The following PRDM16 variants were observed in gnomAD, a reference collection of about 807,000 sequenced individuals.
PRDM16 encodes PR/SET domain 16, also known as histone-lysine N-methyltransferase PRDM16.
PRDM16 carries 23 observed loss-of-function variants against 110.6 expected under a neutral mutation model. That is an observed-to-expected ratio of 0.21 (90% CI 0.15 to 0.29). PRDM16 has a LOEUF of 0.29. Ranked by LOEUF, PRDM16 falls within the 10% of genes least tolerant of loss-of-function variation. The probability of loss-of-function intolerance (pLI) is 1.00; values close to 1 mark genes in which losing one functional copy is unlikely to be tolerated. For missense variants in PRDM16, 1,615 were observed against 1,794.3 expected, an observed-to-expected ratio of 0.90 and a Z score of 1.81; for synonymous variants, 799 against 781.8, an observed-to-expected ratio of 1.02 and a Z score of -0.37.
intron 8 of PRDM16, among the ~76,000 whole-genome samples, chr1:3,410,080 G>A (rs1394785574): frequency 6.8e-6 from 1 of 146,528 alleles, no homozygotes; most frequent in African/African-American, 2.5e-5. Flanking sequence ...ATGTGCATGT[G>A]TATGAATGTG....
chr1:3,180,368 A>C (rs1242766633), intron 1 of PRDM16, among the ~76,000 whole-genome samples: 2 of 151,550 alleles, frequency 1.3e-5, no homozygotes, highest in East Asian at 3.9e-4. Flanking sequence ...TGTTCTTTCC[A>C]CTGAAATGTT....
intron 2 of PRDM16, among the ~76,000 whole-genome samples, chr1:3,231,025 T>C (rs535399765): frequency 1.3e-5 from 2 of 152,272 alleles, no homozygotes; most frequent in African/African-American, 4.8e-5. Flanking sequence ...CCCAAGGACA[T>C]GAGTGCCCTC....
chr1:3,430,952 A>G lies in PRDM16; in HGVS notation c.3365A>G (p.Asp1122Gly), dbSNP rs1197356969. 2 of 1,613,548 alleles carry G rather than the reference A, an allele frequency of 1.2e-6. No homozygotes were observed. The highest frequency in any genetic ancestry group is 2.2e-5 in the East Asian group (1 of 44,876). Reference protein sequence around the residue: ...SEKQEDVEEEDDDDLEEDDED... With the variant: ...SEKQEDVEEEGDDDLEEDDED... ...AAGCAGGAGGACGTGGAGGAGGAGG[A>G]CGACGATGACCTGGAGGAGGACGAT... Residue 1122 changes from aspartate (D) to glycine (G), a missense_variant, in exon 15 of 17, where the codon GAC (aspartate) becomes GGC (glycine). By Grantham distance (94) the Asp-to-Gly change is moderately conservative (BLOSUM62 -1). Transcript: ENST00000270722.
At chr1:3,139,048 G>A (rs1278888058) in intron 1 of PRDM16, among the ~76,000 whole-genome samples, 1 of 152,196 alleles carries the variant, frequency 6.6e-6, no homozygotes, top group African/African-American at 2.4e-5. Flanking sequence ...AGAGGCTTCA[G>A]TGGGGGCTTG....
intron 2 of PRDM16, among the ~76,000 whole-genome samples, chr1:3,224,931 C>T (rs79117859): frequency 0.017 from 2,518 of 152,290 alleles, 73 homozygotes; most frequent in African/African-American, 0.057. Flanking sequence ...GGGACTCTGG[C>T]GGGGCCACAG....
intron 1 of PRDM16, among the ~76,000 whole-genome samples, chr1:3,070,616 G>C (rs1488824589): frequency 7.0e-6 from 1 of 142,432 alleles, no homozygotes; most frequent in Non-Finnish European, 1.5e-5. Flanking sequence ...TTCCGTCCGC[G>C]CCTCCGGGGC....
chr1:3,426,447 G>C (rs1006406418), intron 14 of PRDM16, among the ~76,000 whole-genome samples: 1 of 152,042 alleles, frequency 6.6e-6, no homozygotes, highest in Non-Finnish European at 1.5e-5. Context: ...ATGAGAGTAA[G>C]CACCCCTGGG....
At position 3,081,353 on chromosome 1, in the gene PRDM16, G is replaced by A; in HGVS notation, c.37+12057G>A. 6.6e-6 allele frequency among the ~76,000 whole-genome samples: 1 copy of A among 152,196 alleles called. No individual in the cohort carries two copies. The highest frequency in any genetic ancestry group is 1.9e-4 in the East Asian group (1 of 5,178). ...CGTCCGCTCCTGACAGGTGACCCTT[G>A]TTCAAAGGGAACGAGGGGCTGGTGG... On this transcript the variant is annotated intron_variant, in intron 1 of 16. Coordinates refer to ENST00000270722, the MANE Select transcript of PRDM16 (RefSeq NM_022114.4). This position sits in a 1 kb window ranked among gnomAD's most constrained non-coding sequence, Gnocchi z 4.6.
intron 1 of PRDM16, among the ~76,000 whole-genome samples, chr1:3,154,936 G>C (rs1643835597): frequency 6.6e-6 from 1 of 152,264 alleles, no homozygotes; most frequent in South Asian, 2.1e-4. Flanking sequence ...TTTGGTTCAT[G>C]TGGGTGAATG....
chr1:3,325,183 A>G (rs1446102894), intron 3 of PRDM16, among the ~76,000 whole-genome samples: 2 of 152,222 alleles, frequency 1.3e-5, no homozygotes, highest in South Asian at 4.1e-4. Flanking sequence ...AGTGTCCCCA[A>G]GGAAATCTCT....
intron 10 of PRDM16, among the ~76,000 whole-genome samples, chr1:3,416,002 G>A (rs1038156045): frequency 1.3e-5 from 2 of 152,188 alleles, no homozygotes; most frequent in Admixed American, 6.5e-5. Context: ...TCTGCCCATC[G>A]CTCATCACTC....
At chr1:3,336,262 A>G (rs999901866) in intron 3 of PRDM16, among the ~76,000 whole-genome samples, 20 of 152,096 alleles carry the variant, frequency 1.3e-4, no homozygotes, top group African/African-American at 4.8e-4. Context: ...GTCTGTGTGT[A>G]GGTGTAGGCA....
intron 8 of PRDM16, among the ~76,000 whole-genome samples, chr1:3,408,843 G>A (rs746115733): frequency 1.5e-4 from 16 of 105,292 alleles, no homozygotes; most frequent in African/African-American, 2.0e-4. Flanking sequence ...TGTGTTGGAG[G>A]ATGTGAGAGC....
chr1:3,422,771 G>A (rs1309894523), intron 12 of PRDM16, among the ~76,000 whole-genome samples: 7 of 152,240 alleles, frequency 4.6e-5, no homozygotes, highest in East Asian at 3.8e-4. Context: ...TTCACAGGCC[G>A]AGTCAAACAA....
chr1:3,180,292 G>C (rs1644134946), intron 1 of PRDM16, among the ~76,000 whole-genome samples: 3 of 151,930 alleles, frequency 2.0e-5, no homozygotes, highest in Admixed American at 6.6e-5. Flanking sequence ...AAACTCACAG[G>C]CCTGAAGTAA....
chr1:3,095,916 G>A lies in PRDM16; in HGVS notation c.37+26620G>A, dbSNP rs148596658. 1.6e-3 allele frequency among the ~76,000 whole-genome samples: 245 copies of A among 152,136 alleles called. 2 individuals carry two copies. Among genetic ancestry groups the A allele is most frequent in the African/African-American group, 5.2e-3 (215 of 41,496 alleles). On this transcript the variant is annotated intron_variant, in intron 1 of 16. Coordinates refer to ENST00000270722, the MANE Select transcript of PRDM16 (RefSeq NM_022114.4). ...TGCCTGCAGCATGGACTCGAGGTCC[G>A]CTCAGCATCTGACAGGGGTCTGGGG...
At chr1:3,144,476 G>C (rs1245929121) in intron 1 of PRDM16, among the ~76,000 whole-genome samples, 1 of 151,908 alleles carries the variant, frequency 6.6e-6, no homozygotes, top group Non-Finnish European at 1.5e-5. Context: ...GCGTATCCAG[G>C]TGTCCAGGGC....
chr1:3,077,769 G>A (rs537481291), intron 1 of PRDM16, among the ~76,000 whole-genome samples: 8 of 152,282 alleles, frequency 5.3e-5, no homozygotes, highest in Non-Finnish European at 1.0e-4. Flanking sequence ...GGCCCCGTGC[G>A]TGGACCACCA....
rs1638887523 is a variant in PRDM16 at position 3,435,663 on chromosome 1, T to TGGACATCTCCTCAGGCTTTGTGTCACGC, written c.*1853_*1854insGACATCTCCTCAGGCTTTGTGTCACGCG. 4.3e-6 allele frequency: 1 copy of TGGACATCTCCTCAGGCTTTGTGTCACGC among 232,468 alleles called. No individual in the cohort carries two copies. Among genetic ancestry groups the TGGACATCTCCTCAGGCTTTGTGTCACGC allele is most frequent in the African/African-American group, 2.2e-5 (1 of 45,288 alleles). The allele number at this position is 232,468 out of a possible 1,614,324, so 14.4% of individuals were successfully genotyped here. A position where few individuals can be genotyped will look rare whatever the true frequency, so the allele number is the denominator to read the frequency against. On this transcript the variant is annotated 3_prime_UTR_variant, in exon 17 of 17. Coordinates refer to ENST00000270722, the MANE Select transcript of PRDM16 (RefSeq NM_022114.4). ...CGCCTTGGTGTGGGTTTGTGTCACG[T>TGGACATCTCCTCAGGCTTTGTGTCACGC]GTGGACATCTCCTCAGGCTTTGTGT...
Sources: gnomAD v4.1 joint callset for allele counts (sites outside exome capture counted in the v4.1 genomes callset) on GRCh38, gnomAD v4.1.1 for gene constraint, Gnocchi (gnomAD v3.1) non-coding constraint, MANE v1.5 for transcripts, NCBI Gene and HGNC (gene_info 2026-07-23, HGNC 2026-07-21) for gene names.